Variants in LIMS1 observed in about 807,000 individuals in gnomAD.
The protein encoded by LIMS1 is LIM zinc finger domain containing 1.
In LIMS1, 18 loss-of-function variants were observed where a neutral mutation model predicts 44.1. The observed-to-expected ratio is 0.41, with a 90% CI of 0.28 to 0.61. The LOEUF (loss-of-function observed/expected upper bound fraction) is 0.61. LIMS1 is among the 20% of genes least tolerant of loss of function. The pLI, the probability that LIMS1 is intolerant of heterozygous loss-of-function variation, is 0.32. For missense variants in LIMS1, 201 were observed against 422.0 expected, an observed-to-expected ratio of 0.48 and a Z score of 4.59; for synonymous variants, 93 against 149.1, an observed-to-expected ratio of 0.62 and a Z score of 2.74.
At chr2:108,601,334 C>T (rs1449479566) in intron 1 of LIMS1, among the ~76,000 whole-genome samples, 1 of 152,150 alleles carries the variant, frequency 6.6e-6, no homozygotes, top group East Asian at 1.9e-4. Flanking sequence ...CAGAGTCAGA[C>T]ACTTGTCCGT....
At chr2:108,604,211 A>G (rs1334264963) in intron 1 of LIMS1, among the ~76,000 whole-genome samples, 1 of 152,092 alleles carries the variant, frequency 6.6e-6, no homozygotes, top group Non-Finnish European at 1.5e-5. Context: ...TGAGCTAAGA[A>G]TATTTTGACC....
chr2:108,675,564 T>C (rs1214546597), intron 5 of LIMS1, among the ~76,000 whole-genome samples: 2 of 152,146 alleles, frequency 1.3e-5, no homozygotes, highest in African/African-American at 2.4e-5. Context: ...CCCTGTAGCT[T>C]TTAGAGGAAG....
chr2:108,551,201 T>A (rs1479175480), intron 1 of LIMS1, among the ~76,000 whole-genome samples: 2 of 151,622 alleles, frequency 1.3e-5, no homozygotes, highest in African/African-American at 4.8e-5. Flanking sequence ...TTGTTGCAAG[T>A]GTATAAGGCT....
chr2:108,544,292 C>T (rs1352978934), intron 1 of LIMS1, among the ~76,000 whole-genome samples: 1 of 152,100 alleles, frequency 6.6e-6, no homozygotes, highest in Non-Finnish European at 1.5e-5. Flanking sequence ...GAACAGTGCT[C>T]TCAAAACATG....
chr2:108,542,918 A>G (rs2104572139), intron 1 of LIMS1, among the ~76,000 whole-genome samples: 1 of 152,328 alleles, frequency 6.6e-6, no homozygotes, highest in Non-Finnish European at 1.5e-5. Flanking sequence ...GCAACACACA[A>G]ACTTCATTAT....
At chr2:108,546,643 A>G (rs1359585236) in intron 1 of LIMS1, among the ~76,000 whole-genome samples, 1 of 149,698 alleles carries the variant, frequency 6.7e-6, no homozygotes, top group East Asian at 2.0e-4. Flanking sequence ...AGCCTAGTGG[A>G]TCATTCTCTA....
At chr2:108,607,342 C>T (rs1687327087) in intron 1 of LIMS1, 3 of 1,253,694 alleles carry the variant, frequency 2.4e-6, no homozygotes, top group Non-Finnish European at 3.4e-6. Flanking sequence ...TGTCTGGTAT[C>T]TTCATCACAT....
In LIMS1 at chr2:108,600,891, TTCTTCTCTTC is replaced by T. The variant is rs150372618; in HGVS notation, c.33-58679_33-58670del. 1.3e-3 allele frequency among the ~76,000 whole-genome samples: 120 copies of T among 90,942 alleles called. 1 individual carries two copies. The Middle Eastern group carries it at 0.014, about 11-fold the overall frequency. The allele number at this position is 90,942 out of a possible 152,430, so 59.7% of individuals were successfully genotyped here. ...TCCACATAAATTTTAGAATTGTTCG[TTCTTCTCTTC>T]TCTTCTCTTCTCTTCTCTTCTCTTC... On this transcript the variant is annotated intron_variant, in intron 1 of 9. Coordinates refer to ENST00000544547, the Ensembl canonical transcript of LIMS1.
chr2:108,633,156 C>T (rs1432443025), intron 1 of LIMS1, among the ~76,000 whole-genome samples: 1 of 152,180 alleles, frequency 6.6e-6, no homozygotes, highest in Admixed American at 6.5e-5. Flanking sequence ...TTGTTTTTGC[C>T]AGCATCTTAA....
At chr2:108,538,531 C>T (rs1348371868) in intron 1 of LIMS1, among the ~76,000 whole-genome samples, 4 of 152,172 alleles carry the variant, frequency 2.6e-5, no homozygotes, top group Admixed American at 6.5e-5. Context: ...CGGGACTCAG[C>T]ATCAGCACAC....
chr2:108,647,933 C>T (rs1275643751), intron 1 of LIMS1, among the ~76,000 whole-genome samples: 2 of 152,172 alleles, frequency 1.3e-5, no homozygotes, highest in African/African-American at 4.8e-5. Context: ...CTTACCACTC[C>T]TATTCAACAT....
At chr2:108,647,401 TACC>T (rs1056731657) in intron 1 of LIMS1, among the ~76,000 whole-genome samples, 3 of 152,230 alleles carry the variant, frequency 2.0e-5, no homozygotes, top group African/African-American at 7.2e-5. Flanking sequence ...GAGGAGCTGG[TACC>T]ATTCCTTCTG....
intron 1 of LIMS1, chr2:108,588,431 T>A (rs894467442): frequency 5.1e-6 from 5 of 985,318 alleles, no homozygotes; most frequent in Non-Finnish European, 3.6e-6. Context: ...GATAAGTAAG[T>A]TAAATAAGAG....
At chr2:108,580,576 T>C (rs1298502472) in intron 1 of LIMS1, among the ~76,000 whole-genome samples, 1 of 152,178 alleles carries the variant, frequency 6.6e-6, no homozygotes. Context: ...GTTACAAGGC[T>C]GTTGCATTAA....
intron 1 of LIMS1, among the ~76,000 whole-genome samples, chr2:108,546,921 A>T (rs1684501414): frequency 6.6e-6 from 1 of 152,178 alleles, no homozygotes; most frequent in African/African-American, 2.4e-5. Flanking sequence ...GCTTTTCAGT[A>T]ATGGTCTCCC....
chr2:108,638,828 A>T (rs826694), intron 1 of LIMS1, among the ~76,000 whole-genome samples: 1 of 151,750 alleles, frequency 6.6e-6, no homozygotes, highest in Non-Finnish European at 1.5e-5. Flanking sequence ...TGGATCATGA[A>T]GTCAGGAGAT....
At chr2:108,606,790 G>A (rs1687291744) in intron 1 of LIMS1, among the ~76,000 whole-genome samples, 1 of 152,250 alleles carries the variant, frequency 6.6e-6, no homozygotes, top group African/African-American at 2.4e-5. Flanking sequence ...GGAGTCCTAT[G>A]TGAGGAGAGA....
In LIMS1 at chr2:108,581,164, G is replaced by A. The variant is rs549475524; in HGVS notation, c.32+46570G>A. Among the ~76,000 whole-genome samples, 15 of 152,250 alleles carry A rather than the reference G, an allele frequency of 9.9e-5. No individual in the cohort carries two copies. The East Asian group carries it at 2.1e-3, about 22-fold the overall frequency. On this transcript the variant is annotated intron_variant, in intron 1 of 9. Transcript: ENST00000544547. ...GACCAGGCCTGTGAAATCTCTGAGC[G>A]CACAAAACCAGTTAGGCCTTATATG...
chr2:108,625,578 C>T (rs1050365527), intron 1 of LIMS1, among the ~76,000 whole-genome samples: 6 of 143,502 alleles, frequency 4.2e-5, no homozygotes, highest in Non-Finnish European at 7.6e-5. Flanking sequence ...GAATATGAAT[C>T]CCCCCCCCCA....
Sources: allele counts gnomAD v4.1 joint callset (sites outside exome capture counted in the v4.1 genomes callset), GRCh38; gene constraint gnomAD v4.1.1; transcripts MANE v1.5; gene names NCBI Gene and HGNC (gene_info 2026-07-23, HGNC 2026-07-21).